Variants in GLI3 observed in about 807,000 individuals in gnomAD.
GLI3 encodes transcription activator GLI3.
In GLI3, 20 loss-of-function variants were observed where a neutral mutation model predicts 100.8. The observed-to-expected ratio is 0.20, with a 90% CI of 0.14 to 0.29. The LOEUF is 0.29. Ranked by LOEUF, GLI3 falls within the 10% of genes least tolerant of loss-of-function variation. GLI3 has a pLI of 1.00. For synonymous variants in GLI3, 938 were observed against 860.5 expected (o/e 1.09, Z -1.58); for missense variants, 2,040 against 2,128.5 (o/e 0.96, Z 0.82).
intron 2 of GLI3, among the ~76,000 whole-genome samples, chr7:42,210,341 C>G (rs1325279508): frequency 3.4e-5 from 1 of 29,254 alleles, no homozygotes; most frequent in Non-Finnish European, 1.1e-4. Context: ...AATGAAAGCC[C>G]CCCCCCCCCC....
intron 3 of GLI3, chr7:42,113,746 G>C (rs981481290): frequency 1.7e-6 from 1 of 574,986 alleles, no homozygotes; most frequent in African/African-American, 1.9e-5. Context: ...TTAGCACACA[G>C]AACACTTCAT....
chr7:42,142,846 G>A (rs1786603030), intron 3 of GLI3, among the ~76,000 whole-genome samples: 1 of 149,330 alleles, frequency 6.7e-6, no homozygotes, highest in Non-Finnish European at 1.5e-5. Context: ...GGCTGAGGCA[G>A]GAGAATGACA....
At chr7:42,257,639 C>G (rs565488522) in intron 1 of GLI3, among the ~76,000 whole-genome samples, 1 of 152,166 alleles carries the variant, frequency 6.6e-6, no homozygotes, top group South Asian at 2.1e-4. Context: ...CCACCGTGCA[C>G]GTCCCATTCA....
chr7:42,139,587 G>A (rs749448952), intron 3 of GLI3, among the ~76,000 whole-genome samples: 2 of 152,200 alleles, frequency 1.3e-5, no homozygotes, highest in Non-Finnish European at 2.9e-5. Flanking sequence ...GCTGAGGCAA[G>A]AGAATCACTT....
chr7:41,961,183 T>TA lies in GLI3; in HGVS notation c.*3146dup, dbSNP rs35954049. 2.0e-5 allele frequency: 3 copies of TA among 152,532 alleles called. No individual in the cohort carries two copies. The highest frequency in any genetic ancestry group is 7.2e-5 in the African/African-American group (3 of 41,490). 9.4% of individuals were successfully genotyped at this position (152,532 alleles called of 1,614,324 possible). A position where few individuals can be genotyped will look rare whatever the true frequency, so the allele number is the denominator to read the frequency against. ...TAAATGTATTTACATGTGTTTCTTT[T>TA]AAAAAAAGGATTACACATTTTATTT... On this transcript the variant is annotated 3_prime_UTR_variant, in exon 15 of 15. Coordinates refer to ENST00000395925, the MANE Select transcript of GLI3 (RefSeq NM_000168.6).
chr7:42,061,356 A>C (rs1784565873), intron 4 of GLI3, among the ~76,000 whole-genome samples: 1 of 152,148 alleles, frequency 6.6e-6, no homozygotes, highest in Non-Finnish European at 1.5e-5. Flanking sequence ...CATCATCCTC[A>C]TCATAATTAT....
intron 4 of GLI3, among the ~76,000 whole-genome samples, chr7:42,065,882 C>T (rs144586143): frequency 3.9e-5 from 6 of 152,210 alleles, no homozygotes; most frequent in Non-Finnish European, 8.8e-5. Context: ...AGTAATGATT[C>T]GAGTAGCCAT....
rs765591867 is a variant in GLI3, at chr7:42,025,254, G to T, written c.1356+10C>A. ...AGTGGGCGCTGGCCTGTGCGGCCTCGGTGTCCTACCTGCTGCCCCCGAGCC... is the reference window on the plus strand; with the variant it reads ...AGTGGGCGCTGGCCTGTGCGGCCTCTGTGTCCTACCTGCTGCCCCCGAGCC... On this transcript the variant is annotated intron_variant, in intron 9 of 14. Transcript: ENST00000395925. 209 of 1,585,312 alleles carry T rather than the reference G, an allele frequency of 1.3e-4. 6 individuals carry two copies. The South Asian group carries it at 2.3e-3, about 17-fold the overall frequency.
At chr7:42,243,009 G>A (rs1788940500) in intron 1 of GLI3, among the ~76,000 whole-genome samples, 1 of 152,130 alleles carries the variant, frequency 6.6e-6, no homozygotes, top group African/African-American at 2.4e-5. Context: ...CAACCTCTGT[G>A]GTATTCACAG....
intron 2 of GLI3, among the ~76,000 whole-genome samples, chr7:42,150,889 A>G (rs1450709284): frequency 2.6e-5 from 4 of 152,132 alleles, no homozygotes; most frequent in Non-Finnish European, 5.9e-5. Flanking sequence ...CAACCTCTTG[A>G]GAGAATAAAC....
At chr7:42,192,888 G>C (rs1216584626) in intron 2 of GLI3, among the ~76,000 whole-genome samples, 1 of 152,064 alleles carries the variant, frequency 6.6e-6, no homozygotes, top group Non-Finnish European at 1.5e-5. Flanking sequence ...CTCTAATTAC[G>C]TGCAAACAGG....
In GLI3 at chr7:41,965,271, G is replaced by A. The variant is rs770427902; in HGVS notation, c.3802C>T (p.Leu1268Phe). The change falls in exon 15 of 15, where the codon CTC becomes TTC. Residue 1268 changes from leucine (L) to phenylalanine (F), a missense_variant. Leu to Phe is a conservative substitution (Grantham distance 22). Coordinates refer to ENST00000395925, the MANE Select transcript of GLI3 (RefSeq NM_000168.6). ...LNRQPVAPGA[L>F]DGACGAGIQA... The stretch of plus-strand genomic sequence containing the variant: ...ATCCCGGCACCACAGGCACCGTCGA[G>A]TGCACCAGGGGCCACTGGCTGCCTG... 6 of 1,613,610 alleles carry A rather than the reference G, an allele frequency of 3.7e-6. No individual in the cohort carries two copies. Among genetic ancestry groups the A allele is most frequent in the Non-Finnish European group, 4.2e-6 (5 of 1,179,738 alleles).
chr7:42,020,477 C>A (rs1788904461), intron 10 of GLI3, among the ~76,000 whole-genome samples: 1 of 152,098 alleles, frequency 6.6e-6, no homozygotes, highest in Non-Finnish European at 1.5e-5. Flanking sequence ...ACTAGATAGA[C>A]AACCATGAAG....
intron 2 of GLI3, among the ~76,000 whole-genome samples, chr7:42,154,399 G>A (rs1024081259): frequency 6.6e-6 from 1 of 152,186 alleles, no homozygotes; most frequent in Non-Finnish European, 1.5e-5. Flanking sequence ...CAGAAGCTTG[G>A]GGCCCCACCC....
intron 1 of GLI3, among the ~76,000 whole-genome samples, chr7:42,224,964 C>T (rs1191862125): frequency 6.6e-6 from 1 of 152,190 alleles, no homozygotes; most frequent in Non-Finnish European, 1.5e-5. Context: ...CAGAAAATAC[C>T]CTTAAACTTA....
Position 42,218,243 on chromosome 7 carries a change from C to T in GLI3, c.124+4887G>A, listed in dbSNP as rs1460302334. On this transcript the variant is annotated intron_variant, in intron 2 of 14. Coordinates refer to ENST00000395925, the MANE Select transcript of GLI3 (RefSeq NM_000168.6). ...AACTCACAACCTATGTTCTTTATGG[C>T]GTGAACTGCCTGCCCATTTCAGAGC... Among the ~76,000 whole-genome samples, 4 of 151,972 alleles carry T rather than the reference C, an allele frequency of 2.6e-5. No homozygotes were observed. In the East Asian group the frequency reaches 7.8e-4, roughly 29 times the overall value.
At chr7:41,968,752 GAAAGAAAGAAGGAAAGAAAGAAA>G (rs1787284222) in intron 13 of GLI3, among the ~76,000 whole-genome samples, 1 of 121,388 alleles carries the variant, frequency 8.2e-6, no homozygotes, top group African/African-American at 3.6e-5. Flanking sequence ...AAGAAAGAAA[GAAAGAAAGAAGGAAAGAAAGAAA>G]GAAAGAAAGA....
At chr7:42,030,762 A>G (rs1210932453) in intron 7 of GLI3, among the ~76,000 whole-genome samples, 2 of 144,008 alleles carry the variant, frequency 1.4e-5, no homozygotes, top group African/African-American at 2.6e-5. Flanking sequence ...TCTGTCTCCC[A>G]GGCTGGAGTG....
intron 1 of GLI3, among the ~76,000 whole-genome samples, chr7:42,260,652 C>T (rs547016500): frequency 3.3e-5 from 5 of 152,046 alleles, no homozygotes; most frequent in African/African-American, 9.6e-5. Flanking sequence ...TTAACTACAA[C>T]GTAGTGAATG....
Sources: allele counts gnomAD v4.1 joint callset (sites outside exome capture counted in the v4.1 genomes callset), GRCh38; gene constraint gnomAD v4.1.1; transcripts MANE v1.5; gene names NCBI Gene and HGNC (gene_info 2026-07-23, HGNC 2026-07-21).